USH2A: variants seen among roughly 807,000 people sequenced by gnomAD.
The protein encoded by USH2A is usherin.
USH2A carries 443 observed loss-of-function variants against 538.9 expected under a neutral mutation model. The observed-to-expected ratio is 0.82, with a 90% CI of 0.76 to 0.89. USH2A has a LOEUF of 0.89. Ranked by LOEUF, USH2A falls within the 40% of genes least tolerant of loss-of-function variation. The pLI, the probability that USH2A is intolerant of heterozygous loss-of-function variation, is 0.00. For synonymous variants in USH2A, 2,413 were observed against 2,273.5 expected (o/e 1.06, Z -1.75); for missense variants, 6,633 against 6,324.8 (o/e 1.05, Z -1.65).
At chr1:216,100,866 A>G (rs2032560231) in intron 21 of USH2A, among the ~76,000 whole-genome samples, 1 of 152,236 alleles carries the variant, frequency 6.6e-6, no homozygotes, top group Admixed American at 6.5e-5. Context: ...TTTCTAAAAT[A>G]TATTATTTAA....
chr1:215,918,389 GC>G (rs1666014018), intron 38 of USH2A, among the ~76,000 whole-genome samples: 1 of 151,982 alleles, frequency 6.6e-6, no homozygotes, highest in Non-Finnish European at 1.5e-5. Flanking sequence ...TGCGGTTAGT[GC>G]CCTTGTAATA....
Position 215,902,371 on chromosome 1 carries a change from T to G in USH2A, c.7301-1466A>C, listed in dbSNP as rs529061555. 4.6e-5 allele frequency among the ~76,000 whole-genome samples: 7 copies of G among 152,254 alleles called. No homozygotes were observed. In the East Asian group the frequency reaches 1.4e-3, roughly 30 times the overall value. ...TACATGTTTCATCAATCTGCTGTAA[T>G]GGGTTTGAGTTCATTAATAATTCAT... On this transcript the variant is annotated intron_variant, in intron 38 of 71. Coordinates refer to ENST00000307340, the MANE Select transcript of USH2A (RefSeq NM_206933.4).
intron 35 of USH2A, among the ~76,000 whole-genome samples, chr1:215,980,291 T>C (rs1404695330): frequency 6.6e-6 from 1 of 152,056 alleles, no homozygotes; most frequent in Non-Finnish European, 1.5e-5. Flanking sequence ...GAAAAGCTTT[T>C]AGAGAGGTTT....
intron 43 of USH2A, among the ~76,000 whole-genome samples, chr1:215,875,134 G>T (rs1257800188): frequency 1.3e-5 from 2 of 152,160 alleles, no homozygotes; most frequent in Non-Finnish European, 1.5e-5. Flanking sequence ...CCCGCCAGGG[G>T]ATCAAGTTTT....
In USH2A at chr1:216,327,655, C is replaced by T. The variant is rs2037762589; in HGVS notation, c.785-1G>A. 6.2e-7 allele frequency: 1 copy of T among 1,612,992 alleles called. No homozygotes were observed. Among genetic ancestry groups the T allele is most frequent in the Admixed American group, 1.7e-5 (1 of 59,922 alleles). The stretch of plus-strand genomic sequence containing the variant: ...ATTCTTCCGACAAACTGCTCTAAAC[C>T]TGCAAATACACACATGTGCATAATA... On this transcript the variant is annotated splice_acceptor_variant, in intron 4 of 71. Coordinates refer to ENST00000307340, the MANE Select transcript of USH2A (RefSeq NM_206933.4). LOFTEE classifies it high-confidence loss of function.
At chr1:216,396,568 A>G (rs1204549761) in intron 3 of USH2A, among the ~76,000 whole-genome samples, 1 of 152,202 alleles carries the variant, frequency 6.6e-6, no homozygotes, top group Non-Finnish European at 1.5e-5. Flanking sequence ...ACCATGATCA[A>G]GCATTACTTA....
At chr1:216,150,212 CTG>C (rs2033805103) in intron 21 of USH2A, among the ~76,000 whole-genome samples, 1 of 152,160 alleles carries the variant, frequency 6.6e-6, no homozygotes, top group African/African-American at 2.4e-5. Flanking sequence ...CTGGTTTACA[CTG>C]TTTCTTCAAG....
intron 61 of USH2A, among the ~76,000 whole-genome samples, chr1:215,684,531 T>C (rs1262443910): frequency 6.6e-6 from 1 of 152,206 alleles, no homozygotes; most frequent in East Asian, 1.9e-4. Context: ...GCTTTCCCTC[T>C]GGTCTTTGGG....
At chr1:216,409,125 C>A (rs2039440455) in intron 3 of USH2A, among the ~76,000 whole-genome samples, 1 of 151,902 alleles carries the variant, frequency 6.6e-6, no homozygotes, top group Non-Finnish European at 1.5e-5. Flanking sequence ...GTGAAACAAT[C>A]GCCACAAAAA....
chr1:216,182,135 T>A (rs2034506629), intron 20 of USH2A, among the ~76,000 whole-genome samples: 1 of 152,102 alleles, frequency 6.6e-6, no homozygotes, highest in African/African-American at 2.4e-5. Context: ...TTTAAAATAG[T>A]CTAACAGAGA....
At chr1:215,775,407 G>T (rs754178319) in intron 55 of USH2A, among the ~76,000 whole-genome samples, 9 of 152,158 alleles carry the variant, frequency 5.9e-5, no homozygotes, top group Non-Finnish European at 1.0e-4. Context: ...ATTCAAAACA[G>T]AATGTAGTCA....
intron 15 of USH2A, among the ~76,000 whole-genome samples, chr1:216,207,767 T>C (rs144506726): frequency 8.2e-4 from 124 of 151,708 alleles, no homozygotes; most frequent in African/African-American, 2.8e-3. Context: ...ATTTATTTTT[T>C]ACATAGTTAA....
intron 32 of USH2A, among the ~76,000 whole-genome samples, chr1:216,019,351 T>C (rs1002651258): frequency 1.3e-5 from 2 of 152,172 alleles, no homozygotes; most frequent in African/African-American, 4.8e-5. Context: ...AAGGAAGTAA[T>C]ACTAAAAACC....
chr1:215,906,798 T>C (rs953752268), intron 38 of USH2A, among the ~76,000 whole-genome samples: 1 of 152,094 alleles, frequency 6.6e-6, no homozygotes, highest in Non-Finnish European at 1.5e-5. Context: ...GAAGTCTTCA[T>C]GTTAGCGAGA....
chr1:216,322,820 C>T (rs146099806), intron 8 of USH2A, among the ~76,000 whole-genome samples: 4 of 152,102 alleles, frequency 2.6e-5, no homozygotes, highest in Non-Finnish European at 5.9e-5. Flanking sequence ...ATTCACAAGG[C>T]CTATCATTCC....
At chr1:216,063,633 C>T (rs1364895820) in intron 30 of USH2A, among the ~76,000 whole-genome samples, 3 of 152,056 alleles carry the variant, frequency 2.0e-5, no homozygotes, top group Non-Finnish European at 4.4e-5. Context: ...AGAGAGAAGA[C>T]CAATTATATC....
chr1:216,421,845 T>C lies in USH2A; in HGVS notation c.485+7A>G. The C allele has an allele frequency of 1.2e-6, 2 of 1,613,916 alleles. No individual in the cohort carries two copies. Among genetic ancestry groups the C allele is most frequent in the Non-Finnish European group, 1.7e-6 (2 of 1,179,840 alleles). The stretch of plus-strand genomic sequence containing the variant: ...CTATGAAAGCTTATACCTACACTAC[T>C]ACTTACATTACACCTTGTTGCTCAG... On this transcript the variant is annotated splice_region_variant and intron_variant, in intron 2 of 71. Coordinates refer to ENST00000307340, the MANE Select transcript of USH2A (RefSeq NM_206933.4).
chr1:215,923,207 A>C (rs10864215), intron 38 of USH2A, among the ~76,000 whole-genome samples: 79,248 of 151,850 alleles, frequency 0.52, 21,403 homozygotes, highest in East Asian at 0.68. Context: ...AACACAACAC[A>C]TAGAGGCTTA....
At chr1:215,996,467 T>A (rs534426519) in intron 34 of USH2A, among the ~76,000 whole-genome samples, 1 of 152,124 alleles carries the variant, frequency 6.6e-6, no homozygotes, top group East Asian at 1.9e-4. Flanking sequence ...ATAGCTTCTT[T>A]ATTTTATTTT....
Sources: allele counts gnomAD v4.1 joint callset (sites outside exome capture counted in the v4.1 genomes callset), GRCh38; gene constraint gnomAD v4.1.1; transcripts MANE v1.5; gene names NCBI Gene and HGNC (gene_info 2026-07-23, HGNC 2026-07-21).